Variants in DLGAP1 observed in about 807,000 individuals in gnomAD.
DLGAP1 encodes the protein DLG associated protein 1.
A neutral mutation model predicts 90.8 loss-of-function variants in DLGAP1; 11 were observed. The observed-to-expected ratio is 0.12, with a 90% confidence interval of 0.08 to 0.20. The LOEUF is 0.20. Among genes scored for constraint, DLGAP1 ranks in the 10% least tolerant of loss-of-function variants. The pLI is 1.00. For missense variants in DLGAP1, 1,050 were observed against 1,333.8 expected, an observed-to-expected ratio of 0.79 and a Z score of 3.31; for synonymous variants, 558 against 540.7, an observed-to-expected ratio of 1.03 and a Z score of -0.44.
In DLGAP1 at chr18:3,934,569, A is replaced by G. The variant is rs551629351; in HGVS notation, c.-72-54429T>C. 6.6e-5 allele frequency among the ~76,000 whole-genome samples: 10 copies of G among 152,362 alleles called. No homozygotes were observed. The East Asian group carries it at 1.2e-3, about 18-fold the overall frequency. On this transcript the variant is annotated intron_variant, in intron 3 of 12. Transcript: ENST00000315677. ...TAGGGAAGGGGTATTCTATGCCTTCAAAACACTTACAGACCTTTTGGTGAC... is the reference window on the plus strand; with the variant it reads ...TAGGGAAGGGGTATTCTATGCCTTCGAAACACTTACAGACCTTTTGGTGAC...
At chr18:3,557,015 T>C (rs1555679175) in intron 9 of DLGAP1, among the ~76,000 whole-genome samples, 2 of 152,238 alleles carry the variant, frequency 1.3e-5, no homozygotes, top group South Asian at 2.1e-4. Flanking sequence ...TTTTCTCTAC[T>C]GATTACTATT....
chr18:4,353,401 G>A (rs1352689121), intron 1 of DLGAP1, among the ~76,000 whole-genome samples: 2 of 152,140 alleles, frequency 1.3e-5, no homozygotes, highest in Non-Finnish European at 2.9e-5. Flanking sequence ...AAGGACCTTC[G>A]AAAGTGAGCC....
chr18:4,430,441 A>ATT (rs2083259951), intron 1 of DLGAP1: 1 of 150,880 alleles, frequency 6.6e-6, no homozygotes, highest in African/African-American at 2.4e-5. Context: ...TTCCAATCTG[A>ATT]AAATACAGAT....
intron 7 of DLGAP1, among the ~76,000 whole-genome samples, chr18:3,704,956 C>T (rs1567988187): frequency 1.3e-5 from 2 of 152,098 alleles, no homozygotes; most frequent in Non-Finnish European, 2.9e-5. Context: ...TGAATACATG[C>T]AAAAGCAAAT....
At chr18:3,810,178 A>G (rs1177520640) in intron 5 of DLGAP1, among the ~76,000 whole-genome samples, 2 of 152,170 alleles carry the variant, frequency 1.3e-5, no homozygotes, top group Non-Finnish European at 2.9e-5. Context: ...AAGAGTAGCT[A>G]CAGGAGGGGT....
At chr18:4,099,730 G>T in intron 2 of DLGAP1, among the ~76,000 whole-genome samples, 1 of 149,040 alleles carries the variant, frequency 6.7e-6, no homozygotes. Context: ...TAGAGTTGAG[G>T]TCTTGCACTG....
At chr18:4,225,016 T>C (rs1282971568) in intron 1 of DLGAP1, among the ~76,000 whole-genome samples, 1 of 151,762 alleles carries the variant, frequency 6.6e-6, no homozygotes, top group South Asian at 2.1e-4. Flanking sequence ...CACACATGCA[T>C]GCACACACAG....
chr18:3,678,764 G>A (rs1263237868), intron 7 of DLGAP1, among the ~76,000 whole-genome samples: 1 of 152,102 alleles, frequency 6.6e-6, no homozygotes, highest in Non-Finnish European at 1.5e-5. Flanking sequence ...AGTTATTACA[G>A]AAATTATTCT....
rs58599574 is a variant in DLGAP1 at position 3,977,434 on chromosome 18, G to GTTTTTTTTTTTTTTTTTT, written c.-73+27664_-73+27681dup. Reference sequence around the variant, plus strand: ...AGTTAATGAATTATGTTTATTCTGTGTTTTTTTTTTTTTTTTTTTTGCTGA... The same window carrying GTTTTTTTTTTTTTTTTTT: ...AGTTAATGAATTATGTTTATTCTGTGTTTTTTTTTTTTTTTTTTTTTTTTTTTTTTTTTTTTTTGCTGA... On this transcript the variant is annotated intron_variant, in intron 3 of 12. Transcript: ENST00000315677. Among the ~76,000 whole-genome samples the GTTTTTTTTTTTTTTTTTT allele has an allele frequency of 1.4e-4, 13 of 95,330 alleles. 1 individual carries two copies. The highest frequency in any genetic ancestry group is 5.0e-4 in the African/African-American group (12 of 23,966). 62.5% of individuals were successfully genotyped at this position (95,330 alleles called of 152,430 possible). A position where few individuals can be genotyped will look rare whatever the true frequency, so the allele number is the denominator to read the frequency against.
chr18:3,990,827 T>G (rs938140652), intron 3 of DLGAP1, among the ~76,000 whole-genome samples: 3 of 151,818 alleles, frequency 2.0e-5, no homozygotes, highest in African/African-American at 7.3e-5. Flanking sequence ...TGCAACAGAG[T>G]GAATAAAGAG....
chr18:4,256,498 A>C (rs1354375402), intron 1 of DLGAP1, among the ~76,000 whole-genome samples: 2 of 152,234 alleles, frequency 1.3e-5, no homozygotes, highest in Non-Finnish European at 2.9e-5. Flanking sequence ...TGTGTTTTGT[A>C]AAATTTACTC....
At chr18:4,353,489 T>C (rs1319158225) in intron 1 of DLGAP1, among the ~76,000 whole-genome samples, 2 of 152,202 alleles carry the variant, frequency 1.3e-5, no homozygotes, top group African/African-American at 4.8e-5. Context: ...TTGGCAGTTT[T>C]ACGGTCTGGC....
chr18:3,870,636 C>A (rs1321306715), intron 4 of DLGAP1, among the ~76,000 whole-genome samples: 1 of 136,788 alleles, frequency 7.3e-6, no homozygotes, highest in Non-Finnish European at 1.7e-5. Flanking sequence ...ATCTATCTAT[C>A]TATCTATCTA....
intron 8 of DLGAP1, among the ~76,000 whole-genome samples, chr18:3,575,460 G>A (rs1453316971): frequency 6.6e-6 from 1 of 152,154 alleles, no homozygotes; most frequent in African/African-American, 2.4e-5. Flanking sequence ...AGAGGGGTCA[G>A]GGCCTAAAGG....
intron 7 of DLGAP1, among the ~76,000 whole-genome samples, chr18:3,718,213 C>G (rs2061830291): frequency 6.6e-6 from 1 of 152,124 alleles, no homozygotes; most frequent in South Asian, 2.1e-4. Context: ...ATAATCCCAG[C>G]ACTTTGGGAG....
intron 3 of DLGAP1, among the ~76,000 whole-genome samples, chr18:3,913,461 T>A (rs921771617): frequency 1.3e-5 from 2 of 152,234 alleles, no homozygotes; most frequent in Non-Finnish European, 2.9e-5. Flanking sequence ...ATATTTCTAT[T>A]AAACATAGCC....
chr18:4,152,196 A>G (rs1200040683), intron 1 of DLGAP1, among the ~76,000 whole-genome samples: 1 of 152,164 alleles, frequency 6.6e-6, no homozygotes. Context: ...GTCTGTTTCT[A>G]TTTTTTTGTA....
chr18:3,641,584 TATAC>T (rs1396013978), intron 7 of DLGAP1, among the ~76,000 whole-genome samples: 21 of 125,166 alleles, frequency 1.7e-4, no homozygotes, highest in African/African-American at 5.8e-4. Context: ...CACATATATA[TATAC>T]ACACACACAC....
rs1555668846 is a variant in DLGAP1 at position 3,527,410 on chromosome 18, C to CTGTTTTTTTTTTT, written c.2479+6783_2479+6784insAAAAAAAAAAACA. Among the ~76,000 whole-genome samples the CTGTTTTTTTTTTT allele has an allele frequency of 7.3e-4, 73 of 100,688 alleles. 7 individuals are homozygous for CTGTTTTTTTTTTT. Among genetic ancestry groups the CTGTTTTTTTTTTT allele is most frequent in the Non-Finnish European group, 1.1e-3 (55 of 51,948 alleles). The allele number at this position is 100,688 out of a possible 152,430, so 66.1% of individuals were successfully genotyped here. A position where few individuals can be genotyped will look rare whatever the true frequency, so the allele number is the denominator to read the frequency against. On this transcript the variant is annotated intron_variant, in intron 10 of 12. Coordinates refer to ENST00000315677, the MANE Select transcript of DLGAP1 (RefSeq NM_004746.4). ...GTGAGTAAACAGGTTATTTTCCAAA[C>CTGTTTTTTTTTTT]TTTTTTTTTTTTTTTTTTTTTTGCC...
Sources: allele counts gnomAD v4.1 joint callset (sites outside exome capture counted in the v4.1 genomes callset), GRCh38; gene constraint gnomAD v4.1.1; transcripts MANE v1.5; gene names NCBI Gene and HGNC (gene_info 2026-07-23, HGNC 2026-07-21).